KCNG2: variants seen among roughly 807,000 people sequenced by gnomAD.
The protein encoded by KCNG2 is potassium voltage-gated channel modifier subfamily G member 2.
A neutral mutation model predicts 12.3 loss-of-function variants in KCNG2; 7 were observed. The ratio of observed to expected loss-of-function variants is 0.57; its 90% confidence interval spans 0.32 to 1.07. The LOEUF is 1.07. KCNG2 is among the 50% of genes least tolerant of loss of function. The probability of loss-of-function intolerance (pLI) is 0.04; values close to 1 mark genes in which losing one functional copy is unlikely to be tolerated. For missense variants in KCNG2, 703 were observed against 726.0 expected (o/e 0.97, Z 0.36); for synonymous variants, 414 against 351.4 (o/e 1.18, Z -1.99).
intron 1 of KCNG2, among the ~76,000 whole-genome samples, chr18:79,807,605 C>A (rs565977234): frequency 6.6e-6 from 1 of 152,210 alleles, no homozygotes; most frequent in Non-Finnish European, 1.5e-5. Flanking sequence ...AATGCTCTCA[C>A]GCCTGGGCCA....
intron 3 of KCNG2, among the ~76,000 whole-genome samples, chr18:79,894,499 G>A (rs371778660): frequency 2.4e-3 from 42 of 17,164 alleles, no homozygotes; most frequent in East Asian, 6.7e-3. Context: ...AATTGATATA[G>A]TTGGGTCTGT....
intron 1 of KCNG2, among the ~76,000 whole-genome samples, chr18:79,848,423 G>A (rs1978697305): frequency 6.6e-6 from 1 of 152,190 alleles, no homozygotes; most frequent in Non-Finnish European, 1.5e-5. Flanking sequence ...GGCTCCTGCA[G>A]CACCGGCCAT....
At chr18:79,847,970 G>A (rs944146332) in intron 1 of KCNG2, among the ~76,000 whole-genome samples, 2 of 152,224 alleles carry the variant, frequency 1.3e-5, no homozygotes, top group African/African-American at 4.8e-5. Context: ...AATAGTCACT[G>A]TTTTCCTTGG....
At chr18:79,857,730 C>G (rs1979068655) in intron 2 of KCNG2, among the ~76,000 whole-genome samples, 1 of 151,974 alleles carries the variant, frequency 6.6e-6, no homozygotes, top group Admixed American at 6.6e-5. Context: ...TACTGGATCC[C>G]CCCGAGACCT....
At chr18:79,827,230 C>T (rs1978286861) in intron 1 of KCNG2, among the ~76,000 whole-genome samples, 1 of 152,244 alleles carries the variant, frequency 6.6e-6, no homozygotes, top group African/African-American at 2.4e-5. Flanking sequence ...CCCTCCAGGC[C>T]TCAGTGGTCC....
chr18:79,863,510 G>A (rs1348136432), intron 2 of KCNG2, among the ~76,000 whole-genome samples, 118 bp from the exon 3 acceptor site: 1 of 152,214 alleles, frequency 6.6e-6, no homozygotes, highest in Non-Finnish European at 1.5e-5. Context: ...GGCGGGCGGA[G>A]GGGTCTCCGA....
At chr18:79,895,001 C>T (rs111786112) in intron 3 of KCNG2, among the ~76,000 whole-genome samples, 13 of 151,758 alleles carry the variant, frequency 8.6e-5, no homozygotes, top group African/African-American at 2.9e-4. Context: ...TCACTCCATT[C>T]ACATCTAGTG....
chr18:79,838,187 G>A (rs1203967951), intron 1 of KCNG2, among the ~76,000 whole-genome samples: 3 of 152,156 alleles, frequency 2.0e-5, no homozygotes, highest in East Asian at 1.9e-4. Flanking sequence ...TTGACATGTG[G>A]TGATTACAAA....
At chr18:79,847,502 C>G (rs1781824786) in intron 1 of KCNG2, among the ~76,000 whole-genome samples, 1 of 152,220 alleles carries the variant, frequency 6.6e-6, no homozygotes, top group Non-Finnish European at 1.5e-5. Flanking sequence ...GGACCACGCT[C>G]CCTGTGGAAG....
At chr18:79,866,269 G>T (rs1979536912) in intron 3 of KCNG2, among the ~76,000 whole-genome samples, 1 of 146,928 alleles carries the variant, frequency 6.8e-6, no homozygotes, top group Non-Finnish European at 1.5e-5. Flanking sequence ...TCTGTGTGCT[G>T]AGAGATCTGT....
intron 1 of KCNG2, among the ~76,000 whole-genome samples, chr18:79,799,943 C>T (rs945297828): frequency 1.3e-5 from 2 of 152,100 alleles, no homozygotes; most frequent in Non-Finnish European, 2.9e-5. Context: ...GAAACGATAG[C>T]GTGCTGGGTT....
At chr18:79,820,239 G>C (rs566700556) in intron 1 of KCNG2, among the ~76,000 whole-genome samples, 1 of 152,168 alleles carries the variant, frequency 6.6e-6, no homozygotes, top group East Asian at 1.9e-4. Flanking sequence ...CCCACCTTTT[G>C]GCTAATGGGG....
chr18:79,817,568 G>A (rs114635240), intron 1 of KCNG2, among the ~76,000 whole-genome samples: 24 of 152,254 alleles, frequency 1.6e-4, no homozygotes, highest in African/African-American at 5.8e-4. Flanking sequence ...CACATGGTTT[G>A]CACACACAGT....
chr18:79,816,452 A>AGCCCT (rs2087529343), intron 1 of KCNG2: 1 of 144,794 alleles, frequency 6.9e-6, no homozygotes, highest in Non-Finnish European at 1.5e-5. Context: ...GTGGCACCCC[A>AGCCCT]GCCCTGCACG....
intron 1 of KCNG2, among the ~76,000 whole-genome samples, chr18:79,848,784 G>A (rs1165875790): frequency 1.3e-5 from 2 of 152,132 alleles, no homozygotes; most frequent in South Asian, 2.1e-4. Context: ...GGGAGCTTCC[G>A]TTCCCCAGAG....
In KCNG2 at chr18:79,803,133, G is replaced by A. The variant is rs922094060; in HGVS notation, c.-115+5119G>A. Among the ~76,000 whole-genome samples the A allele has an allele frequency of 3.3e-5, 5 of 152,138 alleles. No homozygotes were observed. Among genetic ancestry groups the A allele is most frequent in the South Asian group, 2.1e-4 (1 of 4,828 alleles). On this transcript the variant is annotated intron_variant, in intron 1 of 3. Transcript: ENST00000316249. This position sits in a 1 kb window ranked among gnomAD's most constrained non-coding sequence, Gnocchi z 4.5. ...GCGGAGCTTGCAGTGAGCCGAGATC[G>A]CGCCACTGCACTCCAGCCTGGGTGA...
At chr18:79,807,402 C>T (rs1267731860) in intron 1 of KCNG2, among the ~76,000 whole-genome samples, 3 of 152,226 alleles carry the variant, frequency 2.0e-5, no homozygotes, top group Admixed American at 6.5e-5. Context: ...CTACCGTAAA[C>T]ACCCGAGCAC....
Position 79,899,785 on chromosome 18 carries a change from C to T in KCNG2, c.1370C>T (p.Ala457Val), listed in dbSNP as rs376255323. Reference sequence around the variant, plus strand: ...AGCGCGGGCCTGGCCGACGACTCCGCGGATGCGCTGTGGGTGCGGGCAGGG... The same window carrying T: ...AGCGCGGGCCTGGCCGACGACTCCGTGGATGCGCTGTGGGTGCGGGCAGGG... The part of the protein sequence containing the change: ...PDSAGLADDS[A>V]DALWVRAGR The change falls in exon 4 of 4, where the codon GCG becomes GTG. Residue 457 changes from alanine (A) to valine (V), a missense_variant. By Grantham distance (64) the Ala-to-Val change is moderately conservative (BLOSUM62 0). Coordinates refer to ENST00000316249, the MANE Select transcript of KCNG2 (RefSeq NM_012283.2). 9.7e-5 allele frequency: 141 copies of T among 1,458,838 alleles called. No individual in the cohort carries two copies. Among genetic ancestry groups the T allele is most frequent in the Non-Finnish European group, 1.2e-4 (137 of 1,114,490 alleles). The allele number at this position is 1,458,838 out of a possible 1,614,324, so 90.4% of individuals were successfully genotyped here.
At chr18:79,816,803 A>C (rs916557695) in intron 1 of KCNG2, among the ~76,000 whole-genome samples, 1 of 152,236 alleles carries the variant, frequency 6.6e-6, no homozygotes, top group Non-Finnish European at 1.5e-5. Context: ...GGGTTAGCAG[A>C]GAAAGAAACC....
Sources: allele counts gnomAD v4.1 joint callset (sites outside exome capture counted in the v4.1 genomes callset), GRCh38; gene constraint gnomAD v4.1.1; non-coding constraint Gnocchi (gnomAD v3.1); transcripts MANE v1.5; gene names NCBI Gene and HGNC (gene_info 2026-07-23, HGNC 2026-07-21).